Variants in MPPED2 observed in about 807,000 individuals in gnomAD.
MPPED2 encodes metallophosphoesterase MPPED2.
MPPED2 carries 5 observed loss-of-function variants against 33.0 expected under a neutral mutation model. That is an observed-to-expected ratio of 0.15 (90% confidence interval 0.08 to 0.32). The LOEUF is 0.32. Ranked by LOEUF, MPPED2 falls within the 10% of genes least tolerant of loss-of-function variation. The pLI, the probability that MPPED2 is intolerant of heterozygous loss-of-function variation, is 1.00. For missense variants in MPPED2, 275 were observed against 372.1 expected, an observed-to-expected ratio of 0.74 and a Z score of 2.15; for synonymous variants, 136 against 141.9, an observed-to-expected ratio of 0.96 and a Z score of 0.29.
At chr11:30,533,116 A>C (rs1354397805) in intron 3 of MPPED2, among the ~76,000 whole-genome samples, 1 of 152,230 alleles carries the variant, frequency 6.6e-6, no homozygotes, top group South Asian at 2.1e-4. Flanking sequence ...ATAATATCAC[A>C]GAATGACAAA....
chr11:30,451,981 T>C (rs1950082778), intron 4 of MPPED2: 1 of 985,448 alleles, frequency 1.0e-6, no homozygotes, highest in South Asian at 4.7e-5. Context: ...ATGTGGGAAG[T>C]AGGAGGGAGC....
intron 6 of MPPED2, among the ~76,000 whole-genome samples, chr11:30,413,627 C>T (rs946972632): frequency 1.3e-5 from 2 of 152,188 alleles, no homozygotes; most frequent in African/African-American, 4.8e-5. Flanking sequence ...TCAGCCTGAG[C>T]TAATAGCTCC....
At position 30,411,258 on chromosome 11, in the gene MPPED2, T is replaced by C. The variant is rs1184694613; in HGVS notation, c.*210A>G. 50 of 1,199,554 alleles carry C rather than the reference T, an allele frequency of 4.2e-5. No individual in the cohort carries two copies. The highest frequency in any genetic ancestry group is 5.1e-5 in the Non-Finnish European group (49 of 963,644). 74.3% of individuals were successfully genotyped at this position (1,199,554 alleles called of 1,614,324 possible). A position where few individuals can be genotyped will look rare whatever the true frequency, so the allele number is the denominator to read the frequency against. On this transcript the variant is annotated 3_prime_UTR_variant, in exon 7 of 7. Coordinates refer to ENST00000358117, the MANE Select transcript of MPPED2 (RefSeq NM_001584.3). ...GCCTTTGAGAAAACAGAAGTCATTT[T>C]ACAAATTCACAATGTTCCTCTGATT...
intron 1 of MPPED2, among the ~76,000 whole-genome samples, chr11:30,582,344 A>G (rs188965848): frequency 1.3e-5 from 2 of 152,328 alleles, no homozygotes; most frequent in African/African-American, 4.8e-5. Context: ...AAAAATTCAC[A>G]TTTTCAGACT....
chr11:30,586,884 G>C (rs1006847174), upstream of MPPED2: 3 of 152,106 alleles, frequency 2.0e-5, no homozygotes, highest in Non-Finnish European at 4.4e-5. This position sits in a 1 kb window ranked among gnomAD's most constrained non-coding sequence, Gnocchi z 4.8. Context: ...AGGCTTTCCT[G>C]GGGGAGAGCT....
At chr11:30,548,178 C>A in intron 2 of MPPED2, among the ~76,000 whole-genome samples, 1 of 151,786 alleles carries the variant, frequency 6.6e-6, no homozygotes, top group East Asian at 1.9e-4. Flanking sequence ...TAGTACTTGC[C>A]TCATAAGATT....
intron 6 of MPPED2, among the ~76,000 whole-genome samples, chr11:30,413,673 G>A (rs1371701009): frequency 1.3e-5 from 2 of 152,142 alleles, no homozygotes; most frequent in Non-Finnish European, 2.9e-5. Context: ...GTTTTCTGAG[G>A]TTAGTAAGGA....
rs3781848 is a variant in MPPED2 at position 30,511,839 on chromosome 11, T to C, written c.311-16318A>G. ...CTACCTTCAGAAGGCAAGCTACTAATGGTCTAATGTTGAAGCAACTTTGCG... is the reference window on the plus strand; with the variant it reads ...CTACCTTCAGAAGGCAAGCTACTAACGGTCTAATGTTGAAGCAACTTTGCG... On this transcript the variant is annotated intron_variant, in intron 3 of 6. Coordinates refer to ENST00000358117, the MANE Select transcript of MPPED2 (RefSeq NM_001584.3). Among the ~76,000 whole-genome samples, 12 of 152,326 alleles carry C rather than the reference T, an allele frequency of 7.9e-5. No individual in the cohort carries two copies. In the East Asian group the frequency reaches 9.6e-4, roughly 12 times the overall value.
intron 3 of MPPED2, among the ~76,000 whole-genome samples, chr11:30,521,025 C>T (rs904754108): frequency 6.6e-6 from 1 of 151,990 alleles, no homozygotes; most frequent in African/African-American, 2.4e-5. Context: ...CACAACTATC[C>T]CCACTTCCTT....
downstream of MPPED2, chr11:30,410,043 C>G (rs182526680): frequency 1.6e-3 from 1,507 of 929,280 alleles, 3 homozygotes; most frequent in Middle Eastern, 7.8e-3. Context: ...CACTGAGTGC[C>G]TTATCGATCT....
chr11:30,500,648 A>G (rs978238689), intron 3 of MPPED2, among the ~76,000 whole-genome samples: 2 of 152,192 alleles, frequency 1.3e-5, no homozygotes, highest in Non-Finnish European at 2.9e-5. Flanking sequence ...AAGCACATGC[A>G]TGGTGCAGAG....
At chr11:30,505,845 G>T (rs984258095) in intron 3 of MPPED2, among the ~76,000 whole-genome samples, 3 of 151,508 alleles carry the variant, frequency 2.0e-5, no homozygotes, top group African/African-American at 4.9e-5. Flanking sequence ...TCAAGTTCCT[G>T]CTTCTGTCAC....
At chr11:30,557,676 T>C (rs11031137) in intron 2 of MPPED2, among the ~76,000 whole-genome samples, 3,084 of 152,338 alleles carry the variant, frequency 0.02, 101 homozygotes, top group African/African-American at 0.069. Context: ...TGTGCAATTA[T>C]TTCCGTCTCC....
chr11:30,405,291 T>C (rs1947972914), downstream of MPPED2, among the ~76,000 whole-genome samples: 1 of 152,206 alleles, frequency 6.6e-6, no homozygotes, highest in South Asian at 2.1e-4. Context: ...AAATGGGCTA[T>C]GAAATCACAG....
intron 4 of MPPED2, among the ~76,000 whole-genome samples, chr11:30,458,776 C>T (rs1237174517): frequency 6.6e-6 from 1 of 152,156 alleles, no homozygotes; most frequent in Non-Finnish European, 1.5e-5. Flanking sequence ...GGTTAACAAG[C>T]ACTGAGGTCA....
At chr11:30,538,811 G>C (rs1233242804) in intron 2 of MPPED2, among the ~76,000 whole-genome samples, 1 of 152,226 alleles carries the variant, frequency 6.6e-6, no homozygotes, top group East Asian at 1.9e-4. Flanking sequence ...TCGATTCAAG[G>C]CAGGGGATGG....
intron 2 of MPPED2, among the ~76,000 whole-genome samples, chr11:30,561,457 G>A (rs1301985323): frequency 1.3e-5 from 2 of 152,134 alleles, no homozygotes; most frequent in African/African-American, 4.8e-5. Flanking sequence ...AAAAGCAACA[G>A]AGCTGGAAGA....
chr11:30,448,341 G>T (rs1032798128), intron 4 of MPPED2, among the ~76,000 whole-genome samples: 1 of 152,174 alleles, frequency 6.6e-6, no homozygotes, highest in East Asian at 1.9e-4. Context: ...TGAACTGGGC[G>T]CTCAGACTTG....
At chr11:30,535,624 T>A (rs552729092) in intron 3 of MPPED2, among the ~76,000 whole-genome samples, 1 of 152,154 alleles carries the variant, frequency 6.6e-6, no homozygotes, top group African/African-American at 2.4e-5. Flanking sequence ...GTCATTTGTA[T>A]ATCTTTGCTT....
Sources: allele counts gnomAD v4.1 joint callset (sites outside exome capture counted in the v4.1 genomes callset), GRCh38; gene constraint gnomAD v4.1.1; non-coding constraint Gnocchi (gnomAD v3.1); transcripts MANE v1.5; gene names NCBI Gene and HGNC (gene_info 2026-07-23, HGNC 2026-07-21).